Variants in PCDH10 observed in about 807,000 individuals in gnomAD.
PCDH10 encodes protocadherin-10.
A neutral mutation model predicts 74.4 loss-of-function variants in PCDH10; 15 were observed. That is an observed-to-expected ratio of 0.20 (90% CI 0.13 to 0.31). The LOEUF (loss-of-function observed/expected upper bound fraction) is 0.31. Among genes scored for constraint, PCDH10 ranks in the 10% least tolerant of loss-of-function variants. The pLI, the probability that PCDH10 is intolerant of heterozygous loss-of-function variation, is 1.00. For synonymous variants in PCDH10, 619 were observed against 589.8 expected (o/e 1.05, Z -0.72); for missense variants, 1,260 against 1,390.2 (o/e 0.91, Z 1.49).
downstream of PCDH10, among the ~76,000 whole-genome samples, chr4:133,196,575 C>T (rs1430373970): frequency 2.6e-5 from 4 of 152,184 alleles, no homozygotes; most frequent in African/African-American, 9.7e-5. Context: ...TGCATGATTC[C>T]TAAACCATAA....
At chr4:133,190,104 C>A in intron 4 of PCDH10, 37 bp from the exon 5 acceptor site, 2 of 1,573,388 alleles carry the variant, frequency 1.3e-6, no homozygotes, top group Non-Finnish European at 1.7e-6. Context: ...AAAAGTCAAC[C>A]TCTTTTTCTT....
At chr4:133,180,080 A>G (rs1308179342) in intron 4 of PCDH10, among the ~76,000 whole-genome samples, 3 of 151,962 alleles carry the variant, frequency 2.0e-5, no homozygotes, top group African/African-American at 7.2e-5. Context: ...TGGCCTAACT[A>G]TACTAGTTAT....
chr4:133,175,339 C>T (rs569326300), intron 4 of PCDH10, among the ~76,000 whole-genome samples: 7 of 151,960 alleles, frequency 4.6e-5, no homozygotes, highest in African/African-American at 1.4e-4. Flanking sequence ...GCAAGTCTTC[C>T]CAAGCTACTG....
At chr4:133,171,153 A>G (rs1727197591) in intron 4 of PCDH10, among the ~76,000 whole-genome samples, 1 of 152,038 alleles carries the variant, frequency 6.6e-6, no homozygotes, top group Admixed American at 6.6e-5. Context: ...CGTTTTCCCC[A>G]CCTTAAGATT....
Position 133,151,782 on chromosome 4 carries a change from G to T in PCDH10, c.1642G>T (p.Ala548Ser), listed in dbSNP as rs756563130. 5 of 1,613,094 alleles carry T rather than the reference G, an allele frequency of 3.1e-6. No homozygotes were observed. The highest frequency in any genetic ancestry group is 4.2e-6 in the Non-Finnish European group (5 of 1,180,040). ...DFSFQVEARD[A>S]GSPQALAGNA... ...CAGTTTTCAGGTGGAAGCCCGGGAC[G>T]CTGGCAGCCCCCAGGCGCTGGCTGG... Residue 548 changes from alanine to serine, a missense_variant, in exon 1 of 5, where the codon GCT becomes TCT. Transcript: ENST00000264360.
At chr4:133,196,732 A>ATG (rs1178801276), downstream of PCDH10, among the ~76,000 whole-genome samples, 1 of 152,250 alleles carries the variant, frequency 6.6e-6, no homozygotes, top group East Asian at 1.9e-4. Context: ...AGCTTGGCCT[A>ATG]TGCCCAGGAG....
At chr4:133,207,802 A>T (rs935907889) in intron 2 of PCDH10, among the ~76,000 whole-genome samples, 1 of 152,160 alleles carries the variant, frequency 6.6e-6, no homozygotes, top group Non-Finnish European at 1.5e-5. Flanking sequence ...CTTTTGTAAT[A>T]TAAAAAAGTA....
chr4:133,151,058 C>T lies in PCDH10; in HGVS notation c.918C>T (p.Arg306=), dbSNP rs1429434819. ...RARELFGLSP[R]TGRLEVSGEL... ...GGGAGCTTTTCGGACTCTCGCCGCG[C>T]ACTGGCAGACTGGAGGTAAGCGGCG... Residue 306 remains arginine, a synonymous_variant, in exon 1 of 5, where the codon CGC becomes CGT. Coordinates refer to ENST00000264360, the MANE Select transcript of PCDH10 (RefSeq NM_032961.3). 23 of 1,614,070 alleles carry T rather than the reference C, an allele frequency of 1.4e-5. No homozygotes were observed. Among genetic ancestry groups the T allele is most frequent in the Non-Finnish European group, 1.9e-5 (23 of 1,180,038 alleles).
intron 4 of PCDH10, among the ~76,000 whole-genome samples, chr4:133,185,462 TA>T (rs951065791): frequency 5.9e-5 from 9 of 151,988 alleles, no homozygotes; most frequent in African/African-American, 1.9e-4. Flanking sequence ...CAGAGGAAGT[TA>T]AAAAAATGGA....
chr4:133,196,241 A>C (rs1727792477), downstream of PCDH10, among the ~76,000 whole-genome samples: 1 of 152,122 alleles, frequency 6.6e-6, no homozygotes, highest in Non-Finnish European at 1.5e-5. Context: ...ATTATTACTC[A>C]AATCAGTTTT....
At chr4:133,205,043 A>C (rs1727975130) in intron 2 of PCDH10, among the ~76,000 whole-genome samples, 1 of 152,128 alleles carries the variant, frequency 6.6e-6, no homozygotes, top group Non-Finnish European at 1.5e-5. Context: ...CAGGGAACTG[A>C]AACCCACTAT....
intron 4 of PCDH10, among the ~76,000 whole-genome samples, chr4:133,178,395 A>T (rs887809233): frequency 6.6e-5 from 10 of 151,400 alleles, no homozygotes; most frequent in Admixed American, 4.0e-4. Context: ...CACCACCACG[A>T]CCGGCTAATT....
At chr4:133,171,044 A>G (rs887820480) in intron 4 of PCDH10, among the ~76,000 whole-genome samples, 1 of 151,154 alleles carries the variant, frequency 6.6e-6, no homozygotes, top group Non-Finnish European at 1.5e-5. Context: ...AAAAAAAACT[A>G]TGACACTGTA....
intron 4 of PCDH10, among the ~76,000 whole-genome samples, chr4:133,179,395 T>G (rs1727362586): frequency 6.6e-6 from 1 of 152,166 alleles, no homozygotes; most frequent in Admixed American, 6.6e-5. Flanking sequence ...TTTATTCTAG[T>G]TTTTAAAGAC....
intron 4 of PCDH10, among the ~76,000 whole-genome samples, chr4:133,184,774 ATATATATATAAATATATATATT>A (rs1318247210): frequency 7.1e-4 from 5 of 7,010 alleles, no homozygotes; most frequent in African/African-American, 6.0e-3. Context: ...AAATATATAA[ATATATATATAAATATATATATT>A]TATATATATA....
At chr4:133,201,343 G>GAC (rs1167209484) in intron 2 of PCDH10, among the ~76,000 whole-genome samples, 2 of 152,124 alleles carry the variant, frequency 1.3e-5, no homozygotes, top group African/African-American at 4.8e-5. Flanking sequence ...TGGGGATGGA[G>GAC]ACACACACAC....
rs538892542 is a variant in PCDH10 at position 133,155,610 on chromosome 4, T to A, written c.2797+587T>A. Among the ~76,000 whole-genome samples the A allele has an allele frequency of 1.0e-3, 157 of 152,334 alleles. 1 individual carries two copies. The highest frequency in any genetic ancestry group is 3.6e-3 in the African/African-American group (150 of 41,582). ...CAGAACGTTAGGTAATATGTGATAA[T>A]GTGTATTTTTTGAAGTGTCCTTGGT... is the stretch of plus-strand genomic sequence containing the variant. On this transcript the variant is annotated intron_variant, in intron 3 of 4. Transcript: ENST00000264360.
At chr4:133,153,458 A>C (rs1247887500) in intron 1 of PCDH10, 1 of 154,618 alleles carries the variant, frequency 6.5e-6, no homozygotes, top group Non-Finnish European at 1.4e-5. Flanking sequence ...GGCTTAAACA[A>C]TTGTTGTCTT....
Position 133,152,565 on chromosome 4 carries a change from G to A in PCDH10, c.2425G>A (p.Gly809Ser). 1 of 1,614,080 alleles carries A rather than the reference G, an allele frequency of 6.2e-7. No homozygotes were observed. Among genetic ancestry groups the A allele is most frequent in the Non-Finnish European group, 8.5e-7 (1 of 1,180,016 alleles). The part of the protein sequence containing the change: ...PAQVPIEESG[G>S]FGSHHHNQNY... ...CCAGGTGCCGATAGAGGAGTCCGGG[G>A]GCTTTGGCTCCCACCACCACAACCA... The change falls in exon 1 of 5, where the codon GGC becomes AGC. Residue 809 changes from glycine to serine, a missense_variant. Coordinates refer to ENST00000264360, the MANE Select transcript of PCDH10 (RefSeq NM_032961.3).
Sources: allele counts gnomAD v4.1 joint callset (sites outside exome capture counted in the v4.1 genomes callset), GRCh38; gene constraint gnomAD v4.1.1; transcripts MANE v1.5; gene names NCBI Gene and HGNC (gene_info 2026-07-23, HGNC 2026-07-21).